The following SINHCAF variants were observed in gnomAD, a reference collection of about 807,000 sequenced individuals.
SINHCAF encodes the protein SIN3-HDAC complex associated factor, also known as SIN3-HDAC complex-associated factor.
Under a neutral mutation model 25.8 loss-of-function variants are expected in SINHCAF, and 3 were observed. The ratio of observed to expected loss-of-function variants is 0.12; its 90% CI spans 0.05 to 0.30. The LOEUF (loss-of-function observed/expected upper bound fraction) is 0.30, where lower values mean the gene tolerates loss of function less well. SINHCAF is among the 10% of genes least tolerant of loss of function. SINHCAF has a pLI of 1.00. For missense variants in SINHCAF, 121 were observed against 262.3 expected (o/e 0.46, Z 3.72); for synonymous variants, 70 against 85.5 (o/e 0.82, Z 1.00).
In SINHCAF at chr12:31,324,185, GGCGCCTCCCGCAGGCC is replaced by G. The variant is rs1045282398; in HGVS notation, c.-21+1823_-21+1838del. The stretch of plus-strand genomic sequence containing the variant: ...AACGGGCCCCGCGCCAGCCCGGCCC[GGCGCCTCCCGCAGGCC>G]GCGCCTCCCGCACGCCGCGCTGCCG... On this transcript the variant is annotated intron_variant, in intron 1 of 5. Coordinates refer to ENST00000337682, the MANE Select transcript of SINHCAF (RefSeq NM_001135812.2). This position sits in a 1 kb window ranked among gnomAD's most constrained non-coding sequence, Gnocchi z 5.5. 3.6e-5 allele frequency: 8 copies of G among 220,604 alleles called. 1 individual carries two copies. The highest frequency in any genetic ancestry group is 1.7e-4 in the South Asian group (3 of 17,464). 13.7% of individuals were successfully genotyped at this position (220,604 alleles called of 1,614,324 possible). A position where few individuals can be genotyped will look rare whatever the true frequency, so the allele number is the denominator to read the frequency against.
Position 31,324,222 on chromosome 12 carries a change from T to A in SINHCAF, c.-21+1802A>T. On this transcript the variant is annotated intron_variant, in intron 1 of 5. Transcript: ENST00000337682. This position sits in a 1 kb window ranked among gnomAD's most constrained non-coding sequence, Gnocchi z 5.5. ...AGGCCGCGCCTCCCGCACGCCGCGCTGCCGGGGCTTGTTCCTCCTCATGGC... is the reference window on the plus strand; with the variant it reads ...AGGCCGCGCCTCCCGCACGCCGCGCAGCCGGGGCTTGTTCCTCCTCATGGC... 1 of 204,184 alleles carries A rather than the reference T, an allele frequency of 4.9e-6. No homozygotes were observed. Among genetic ancestry groups the A allele is most frequent in the Non-Finnish European group, 9.5e-6 (1 of 105,396 alleles). 12.6% of individuals were successfully genotyped at this position (204,184 alleles called of 1,614,324 possible).
chr12:31,290,468 T>A (rs1179870116), intron 4 of SINHCAF, among the ~76,000 whole-genome samples: 1 of 152,082 alleles, frequency 6.6e-6, no homozygotes, highest in Non-Finnish European at 1.5e-5. Context: ...TTTACAAATA[T>A]TTACATAAAA....
At chr12:31,287,943 T>C (rs1565489464) in intron 4 of SINHCAF, among the ~76,000 whole-genome samples, 159 bp from the exon 5 acceptor site, 1 of 152,326 alleles carries the variant, frequency 6.6e-6, no homozygotes, top group African/African-American at 2.4e-5. Flanking sequence ...ATATTCAGAC[T>C]AACGTGTTTT....
At chr12:31,293,962 T>C (rs1938444721) in intron 3 of SINHCAF, 31 bp from the exon 4 acceptor site, 4 of 1,555,874 alleles carry the variant, frequency 2.6e-6, no homozygotes, top group Non-Finnish European at 3.5e-6. Context: ...TTTAATAATA[T>C]TTTTAAAATG....
chr12:31,304,285 T>A (rs1428587070), intron 1 of SINHCAF: 1 of 152,196 alleles, frequency 6.6e-6, no homozygotes, highest in Non-Finnish European at 1.5e-5. Context: ...GTTTAAAACA[T>A]GAGTGAGCCA....
intron 1 of SINHCAF, chr12:31,304,123 A>AG (rs1415730756): frequency 6.6e-6 from 1 of 151,208 alleles, no homozygotes; most frequent in Non-Finnish European, 1.5e-5. Flanking sequence ...CTCCCTCAAA[A>AG]AAAAAAAAAA....
At chr12:31,318,603 G>A (rs1179304619) in intron 1 of SINHCAF, among the ~76,000 whole-genome samples, 4 of 151,450 alleles carry the variant, frequency 2.6e-5, no homozygotes, top group African/African-American at 9.7e-5. Context: ...TCAAGTCTCT[G>A]GGCTTTAGAT....
At chr12:31,285,516 G>C (rs1938020190) in intron 5 of SINHCAF, among the ~76,000 whole-genome samples, 1 of 149,996 alleles carries the variant, frequency 6.7e-6, no homozygotes, top group Non-Finnish European at 1.5e-5. Flanking sequence ...AAGGGCTTTT[G>C]ATATTTTACT....
chr12:31,293,763 C>A, intron 4 of SINHCAF, 42 bp downstream of exon 4: 1 of 1,522,138 alleles, frequency 6.6e-7, no homozygotes, highest in Non-Finnish European at 8.8e-7. Flanking sequence ...CCAAAAATAA[C>A]AAAACAATTA....
chr12:31,296,102 T>G (rs926231443), intron 2 of SINHCAF, among the ~76,000 whole-genome samples: 7 of 152,138 alleles, frequency 4.6e-5, no homozygotes, highest in African/African-American at 1.7e-4. Context: ...AGATTCTGAT[T>G]ATCACGGTTT....
chr12:31,294,816 C>T (rs1938482272), intron 3 of SINHCAF, among the ~76,000 whole-genome samples: 2 of 152,064 alleles, frequency 1.3e-5, no homozygotes, highest in South Asian at 4.2e-4. Flanking sequence ...TATAACCTGC[C>T]CAAAATCCAC....
chr12:31,291,709 A>G (rs1419205851), intron 4 of SINHCAF, among the ~76,000 whole-genome samples: 1 of 152,098 alleles, frequency 6.6e-6, no homozygotes, highest in Non-Finnish European at 1.5e-5. Context: ...GGTTGCAGTG[A>G]GCTGAGATCC....
intron 1 of SINHCAF, among the ~76,000 whole-genome samples, chr12:31,300,756 A>G (rs537488923): frequency 4.3e-4 from 65 of 152,238 alleles, no homozygotes; most frequent in African/African-American, 1.5e-3. Flanking sequence ...AAATGTTAAT[A>G]CGGCCCTCGT....
Position 31,289,936 on chromosome 12 carries a change from C to T in SINHCAF, c.356-2152G>A, listed in dbSNP as rs74786359. Reference sequence around the variant, plus strand: ...ACCTCCTGAGCTCAAGCAATCCTCCCGTCTCAGTCTCCTGAGTAGCTGGGA... The same window carrying T: ...ACCTCCTGAGCTCAAGCAATCCTCCTGTCTCAGTCTCCTGAGTAGCTGGGA... On this transcript the variant is annotated intron_variant, in intron 4 of 5. Transcript: ENST00000337682. 0.013 allele frequency among the ~76,000 whole-genome samples: 1,923 copies of T among 151,834 alleles called. 145 individuals are homozygous for T. In the East Asian group the frequency reaches 0.22, roughly 18 times the overall value.
intron 1 of SINHCAF, among the ~76,000 whole-genome samples, chr12:31,322,796 A>C (rs555291015): frequency 6.6e-6 from 1 of 152,326 alleles, no homozygotes; most frequent in Admixed American, 6.5e-5. Flanking sequence ...ACATGATTCA[A>C]ATGCAGGAGA....
intron 1 of SINHCAF, among the ~76,000 whole-genome samples, chr12:31,307,960 A>AC (rs139200974): frequency 0.012 from 1,880 of 152,182 alleles, 36 homozygotes; most frequent in African/African-American, 0.039. Context: ...TTTTAAAAAA[A>AC]AACAACAACA....
chr12:31,301,145 G>T (rs1390905929), intron 1 of SINHCAF, among the ~76,000 whole-genome samples: 2 of 152,186 alleles, frequency 1.3e-5, no homozygotes, highest in African/African-American at 4.8e-5. Flanking sequence ...TGTTAAGGAT[G>T]TTAGGGTTAT....
intron 4 of SINHCAF, among the ~76,000 whole-genome samples, chr12:31,290,983 T>C (rs1938287368): frequency 6.6e-6 from 1 of 152,178 alleles, no homozygotes; most frequent in African/African-American, 2.4e-5. Context: ...CCTCCCAAAG[T>C]GCTGGGATTA....
Position 31,302,941 on chromosome 12 carries a change from C to G in SINHCAF, c.-20-4717G>C, listed in dbSNP as rs1446592575. 3 of 985,152 alleles carry G rather than the reference C, an allele frequency of 3.0e-6. No individual in the cohort carries two copies. In the African/African-American group the frequency reaches 5.2e-5, roughly 17 times the overall value. 61.0% of individuals were successfully genotyped at this position (985,152 alleles called of 1,614,324 possible). A position where few individuals can be genotyped will look rare whatever the true frequency, so the allele number is the denominator to read the frequency against. ...AGTTAATAGGCCATGGTTTTATTACCCATATGTCCAAACTGCAGCCATCTT... is the reference window on the plus strand; with the variant it reads ...AGTTAATAGGCCATGGTTTTATTACGCATATGTCCAAACTGCAGCCATCTT... On this transcript the variant is annotated intron_variant, in intron 1 of 5. Coordinates refer to ENST00000337682, the MANE Select transcript of SINHCAF (RefSeq NM_001135812.2).
Sources: gnomAD v4.1 joint callset for allele counts (sites outside exome capture counted in the v4.1 genomes callset) on GRCh38, gnomAD v4.1.1 for gene constraint, Gnocchi (gnomAD v3.1) non-coding constraint, MANE v1.5 for transcripts, NCBI Gene and HGNC (gene_info 2026-07-23, HGNC 2026-07-21) for gene names.